The following FGFR1 variants were observed in gnomAD, a reference collection of about 807,000 sequenced individuals.
The protein encoded by FGFR1 is fibroblast growth factor receptor 1.
In FGFR1, 18 loss-of-function variants were observed where a neutral mutation model predicts 93.7. The observed-to-expected ratio is 0.19, with a 90% CI of 0.13 to 0.28. The LOEUF is 0.28. Ranked by LOEUF, FGFR1 falls within the 10% of genes least tolerant of loss-of-function variation. The pLI, the probability that FGFR1 is intolerant of heterozygous loss-of-function variation, is 1.00. For missense variants in FGFR1, 731 were observed against 1,080.4 expected (o/e 0.68, Z 4.53); for synonymous variants, 448 against 429.3 (o/e 1.04, Z -0.54).
intron 1 of FGFR1, among the ~76,000 whole-genome samples, chr8:38,457,970 G>A (rs1341615056): frequency 2.0e-5 from 3 of 152,176 alleles, no homozygotes; most frequent in African/African-American, 2.4e-5. Flanking sequence ...GTGACAGAGC[G>A]AGATTCTGTC....
chr8:38,440,879 G>A (rs1252787237), intron 2 of FGFR1, among the ~76,000 whole-genome samples: 1 of 152,222 alleles, frequency 6.6e-6, no homozygotes, highest in Admixed American at 6.5e-5. Flanking sequence ...GGCCCAGGCA[G>A]CCCGGCTAAT....
At chr8:38,442,364 TG>T in intron 2 of FGFR1, among the ~76,000 whole-genome samples, 1 of 41,140 alleles carries the variant, frequency 2.4e-5, no homozygotes, top group Non-Finnish European at 6.1e-5. Flanking sequence ...GTTAAAGTGG[TG>T]TGTGTGTGTG....
At chr8:38,417,452 A>G in intron 11 of FGFR1, 36 bp from the exon 12 acceptor site, 1 of 1,570,976 alleles carries the variant, frequency 6.4e-7, no homozygotes, top group South Asian at 1.1e-5. Context: ...TTACTTGGGA[A>G]GGGAGGAGGG....
At chr8:38,449,665 A>ACCATTCT (rs35046282) in intron 2 of FGFR1, among the ~76,000 whole-genome samples, 34,843 of 151,638 alleles carry the variant, frequency 0.23, 4,117 homozygotes, top group African/African-American at 0.29. Flanking sequence ...CCCCCACCCC[A>ACCATTCT]CCTTTTACAC....
intron 5 of FGFR1, 49 bp downstream of exon 5, chr8:38,427,872 G>A (rs1821350270): frequency 1.4e-5 from 22 of 1,603,760 alleles, no homozygotes; most frequent in East Asian, 2.2e-5. Context: ...TTCCTAACTC[G>A]GCCTCCCCTG....
chr8:38,454,445 C>T (rs1477907318), intron 2 of FGFR1, among the ~76,000 whole-genome samples: 1 of 152,234 alleles, frequency 6.6e-6, no homozygotes, highest in Non-Finnish European at 1.5e-5. Context: ...AAACCTCCCA[C>T]TCTGACTCAC....
At chr8:38,419,485 C>T (rs1461986770) in intron 9 of FGFR1, 48 bp downstream of exon 9, 1 of 1,535,876 alleles carries the variant, frequency 6.5e-7, no homozygotes, top group Middle Eastern at 1.7e-4. Flanking sequence ...GCATTAGAGG[C>T]CCAGAGAGAG....
intron 2 of FGFR1, among the ~76,000 whole-genome samples, chr8:38,435,938 T>G (rs899515019): frequency 6.6e-6 from 1 of 152,210 alleles, no homozygotes; most frequent in Non-Finnish European, 1.5e-5. Flanking sequence ...ACCAAAACAC[T>G]TGCTTTGTGC....
chr8:38,441,115 T>TC (rs988759236), intron 2 of FGFR1, among the ~76,000 whole-genome samples: 1 of 143,356 alleles, frequency 7.0e-6, no homozygotes, highest in Non-Finnish European at 1.5e-5. Context: ...ACGTGTAGAA[T>TC]CCCACTTGGG....
chr8:38,463,931 T>C (rs1325286806), intron 1 of FGFR1, among the ~76,000 whole-genome samples: 1 of 152,122 alleles, frequency 6.6e-6, no homozygotes, highest in African/African-American at 2.4e-5. Context: ...TGCTAAATTT[T>C]AGTTGGTCCA....
chr8:38,417,235 C>T, intron 12 of FGFR1, 71 bp downstream of exon 12: 1 of 1,195,848 alleles, frequency 8.4e-7, no homozygotes, highest in Non-Finnish European at 1.2e-6. Flanking sequence ...CTGAGAGAGG[C>T]CTTGGGACTG....
At chr8:38,440,190 G>A in intron 2 of FGFR1, 1 of 855,786 alleles carries the variant, frequency 1.2e-6, no homozygotes, top group Non-Finnish European at 1.9e-6. Context: ...AGGAACTCGG[G>A]GTGGCTTTGA....
chr8:38,438,491 C>T (rs1447114329), intron 2 of FGFR1, among the ~76,000 whole-genome samples: 3 of 149,732 alleles, frequency 2.0e-5, no homozygotes, highest in African/African-American at 4.9e-5. Context: ...TGCAGTGAAC[C>T]GAAATCACAC....
In FGFR1 at chr8:38,428,426, G is replaced by C; in HGVS notation, c.368C>G (p.Pro123Arg). ...YFSVNVSDAL[P>R]SSEDDDDDDD... is the part of the protein sequence containing the mutation. ...ATCATCATCATCATCCTCCGAGGAG[G>C]GGAGAGCATCTATGGGAAGAAGAAG... Residue 123 changes from proline (P) to arginine (R), a missense_variant, in exon 4 of 18, where the codon CCC becomes CGC. Transcript: ENST00000447712. The C allele has an allele frequency of 6.2e-7, 1 of 1,612,776 alleles. No individual in the cohort carries two copies. The highest frequency in any genetic ancestry group is 1.1e-5 in the South Asian group (1 of 90,896).
rs145079291 is a variant in FGFR1, at chr8:38,461,420, C to T, written c.-88-3886G>A. ...CACGATCTCAACTCACTACAACCTC[C>T]ATCCCCCAGACTCAAGTGATCCTCC... On this transcript the variant is annotated intron_variant, in intron 1 of 17. Coordinates refer to ENST00000447712, the MANE Select transcript of FGFR1 (RefSeq NM_023110.3). Among the ~76,000 whole-genome samples the T allele has an allele frequency of 1.0e-3, 158 of 152,328 alleles. No individual in the cohort carries two copies. Among genetic ancestry groups the T allele is most frequent in the Middle Eastern group, 3.4e-3 (1 of 294 alleles).
At chr8:38,440,329 G>A (rs900591531) in intron 2 of FGFR1, 5 of 1,605,078 alleles carry the variant, frequency 3.1e-6, no homozygotes, top group Non-Finnish European at 3.4e-6. Context: ...GACCCGGCCA[G>A]AGTGCAGAAG....
At chr8:38,443,174 G>A (rs905091364) in intron 2 of FGFR1, among the ~76,000 whole-genome samples, 1 of 152,138 alleles carries the variant, frequency 6.6e-6, no homozygotes. Flanking sequence ...GCTACACAGC[G>A]TGAATAAATT....
chr8:38,454,573 C>T (rs1832146912), intron 2 of FGFR1, among the ~76,000 whole-genome samples: 1 of 152,154 alleles, frequency 6.6e-6, no homozygotes, highest in Non-Finnish European at 1.5e-5. Context: ...TATCATCTCC[C>T]AGTCCCCATC....
intron 2 of FGFR1, among the ~76,000 whole-genome samples, chr8:38,446,569 C>A (rs763304708): frequency 6.6e-6 from 1 of 152,028 alleles, no homozygotes; most frequent in Non-Finnish European, 1.5e-5. Context: ...CCCACCACCA[C>A]GCCCAGGTAA....
Sources: allele counts gnomAD v4.1 joint callset (sites outside exome capture counted in the v4.1 genomes callset), GRCh38; gene constraint gnomAD v4.1.1; transcripts MANE v1.5; gene names NCBI Gene and HGNC (gene_info 2026-07-23, HGNC 2026-07-21).